The following AXDND1 variants were observed in gnomAD, a reference collection of about 807,000 sequenced individuals.
The protein encoded by AXDND1 is axonemal dynein light chain domain-containing protein 1.
AXDND1 carries 110 observed loss-of-function variants against 137.5 expected under a neutral mutation model. The ratio of observed to expected loss-of-function variants is 0.80; its 90% CI spans 0.69 to 0.94. AXDND1 has a LOEUF of 0.94. Ranked by LOEUF, AXDND1 falls within the 40% of genes least tolerant of loss-of-function variation. The pLI is 0.00. For synonymous variants in AXDND1, 414 were observed against 399.7 expected (o/e 1.04, Z -0.43); for missense variants, 1,191 against 1,169.8 (o/e 1.02, Z -0.26).
chr1:179,554,456 C>T lies in AXDND1; in HGVS notation c.3032-56C>T, dbSNP rs776315049. 9.3e-6 allele frequency: 15 copies of T among 1,613,786 alleles called. No individual in the cohort carries two copies. The South Asian group carries it at 1.5e-4, about 17-fold the overall frequency. On this transcript the variant is annotated intron_variant, in intron 25 of 25. Transcript: ENST00000367618. Reference sequence around the variant, plus strand: ...ATTTTCCTTTATCATACAGTTCTTGCTAGTTAATTTCCTACCCACATTTCT... The same window carrying T: ...ATTTTCCTTTATCATACAGTTCTTGTTAGTTAATTTCCTACCCACATTTCT...
At chr1:179,530,746 A>T (rs991517241) in intron 23 of AXDND1, among the ~76,000 whole-genome samples, 3 of 152,186 alleles carry the variant, frequency 2.0e-5, no homozygotes, top group African/African-American at 7.2e-5. Flanking sequence ...TGGAGAAAGA[A>T]CTAAAATGCC....
chr1:179,377,820 G>C (rs1168787292), intron 4 of AXDND1, among the ~76,000 whole-genome samples: 1 of 152,138 alleles, frequency 6.6e-6, no homozygotes, highest in Non-Finnish European at 1.5e-5. Context: ...TAGGAAGTTT[G>C]ATGTTTAACA....
intron 12 of AXDND1, among the ~76,000 whole-genome samples, chr1:179,418,530 C>T (rs1320100802): frequency 7.2e-5 from 11 of 152,270 alleles, no homozygotes; most frequent in South Asian, 2.1e-4. Flanking sequence ...GGGTGGTGGC[C>T]GGGCAGAGGG....
intron 4 of AXDND1, among the ~76,000 whole-genome samples, chr1:179,370,963 A>G (rs181145138): frequency 5.3e-5 from 8 of 152,352 alleles, no homozygotes; most frequent in Admixed American, 5.2e-4. Context: ...GTGCAAGGAA[A>G]AGTGGTAGAA....
intron 5 of AXDND1, 82 bp downstream of exon 5, chr1:179,378,839 A>G: frequency 3.6e-6 from 4 of 1,126,458 alleles, no homozygotes; most frequent in Non-Finnish European, 4.6e-6. Flanking sequence ...TAATATAAAT[A>G]TAAAATATAA....
intron 20 of AXDND1, among the ~76,000 whole-genome samples, chr1:179,500,170 G>A (rs1436246115): frequency 6.6e-6 from 1 of 152,062 alleles, no homozygotes; most frequent in Non-Finnish European, 1.5e-5. Flanking sequence ...AGCAGTAAAT[G>A]AGAGGGGTAA....
chr1:179,449,874 A>G (rs1442714691), intron 16 of AXDND1: 1 of 151,640 alleles, frequency 6.6e-6, no homozygotes, highest in Non-Finnish European at 1.5e-5. Context: ...ATGTTGCTGA[A>G]CTCATTTATT....
chr1:179,446,579 A>G (rs1192113376), intron 16 of AXDND1, among the ~76,000 whole-genome samples: 1 of 152,186 alleles, frequency 6.6e-6, no homozygotes, highest in Admixed American at 6.5e-5. Context: ...TGGTCTACAT[A>G]TCATACTTCT....
intron 22 of AXDND1, among the ~76,000 whole-genome samples, chr1:179,527,798 G>A (rs1338790290): frequency 6.6e-6 from 1 of 152,048 alleles, no homozygotes; most frequent in African/African-American, 2.4e-5. Context: ...TGGGGTCTGG[G>A]ATAAGACCCC....
chr1:179,513,187 GT>G (rs1423578967), intron 21 of AXDND1, among the ~76,000 whole-genome samples: 3 of 152,114 alleles, frequency 2.0e-5, no homozygotes, highest in Non-Finnish European at 4.4e-5. Context: ...CCAATATTAT[GT>G]TTGCTGTGGA....
chr1:179,488,451 A>AGAT (rs1264697163), intron 18 of AXDND1, among the ~76,000 whole-genome samples: 1 of 147,980 alleles, frequency 6.8e-6, no homozygotes, highest in African/African-American at 2.6e-5. Flanking sequence ...GTTTTTATAG[A>AGAT]GATGGGGTTT....
intron 25 of AXDND1, among the ~76,000 whole-genome samples, chr1:179,541,374 C>T (rs1672122357): frequency 6.6e-6 from 1 of 152,176 alleles, no homozygotes; most frequent in African/African-American, 2.4e-5. Context: ...GAAGCAGGTA[C>T]CTCAGTTGGA....
intron 2 of AXDND1, 37 bp downstream of exon 2, chr1:179,366,643 G>T: frequency 6.5e-7 from 1 of 1,532,110 alleles, no homozygotes; most frequent in South Asian, 1.1e-5. Context: ...AAACAGTCAT[G>T]GCCGTAAGAC....
chr1:179,537,029 C>T (rs1168668429), intron 25 of AXDND1, among the ~76,000 whole-genome samples: 1 of 152,056 alleles, frequency 6.6e-6, no homozygotes, highest in African/African-American at 2.4e-5. Context: ...TGGTGTATAG[C>T]ATGGAATGCT....
Position 179,514,306 on chromosome 1 carries a change from C to T in AXDND1, c.2496+4903C>T, listed in dbSNP as rs188014796. ...TTCAGTTCAAAGAATTTTTAATTTC[C>T]GTCTGAGTTTTGTTTTTGACCAAAT... On this transcript the variant is annotated intron_variant, in intron 21 of 25. Coordinates refer to ENST00000367618, the MANE Select transcript of AXDND1 (RefSeq NM_144696.6). 1.1e-3 allele frequency among the ~76,000 whole-genome samples: 167 copies of T among 152,118 alleles called. 1 individual carries two copies. Among genetic ancestry groups the T allele is most frequent in the Non-Finnish European group, 2.0e-3 (138 of 67,954 alleles).
At chr1:179,371,655 G>A (rs1668050918) in intron 4 of AXDND1, among the ~76,000 whole-genome samples, 1 of 152,156 alleles carries the variant, frequency 6.6e-6, no homozygotes, top group African/African-American at 2.4e-5. Flanking sequence ...TTGTCAGGGT[G>A]GGCCCAGCCT....
chr1:179,449,333 C>T (rs1192230100), intron 16 of AXDND1: 2 of 304,856 alleles, frequency 6.6e-6, no homozygotes, highest in Admixed American at 4.5e-5. Flanking sequence ...ATCAGTTAAC[C>T]AGAGATCTCT....
chr1:179,529,632 T>A (rs1034593796), intron 23 of AXDND1, among the ~76,000 whole-genome samples: 1 of 152,176 alleles, frequency 6.6e-6, no homozygotes, highest in Non-Finnish European at 1.5e-5. Flanking sequence ...GTTATGTAGA[T>A]GAAGTCTCCC....
intron 2 of AXDND1, among the ~76,000 whole-genome samples, chr1:179,367,373 G>A (rs972354462): frequency 6.6e-6 from 1 of 152,100 alleles, no homozygotes; most frequent in African/African-American, 2.4e-5. Context: ...AATTAGGGGG[G>A]GCGTGGTGGC....
Sources: gnomAD v4.1 joint callset for allele counts (sites outside exome capture counted in the v4.1 genomes callset) on GRCh38, gnomAD v4.1.1 for gene constraint, MANE v1.5 for transcripts, NCBI Gene and HGNC (gene_info 2026-07-23, HGNC 2026-07-21) for gene names.